Variants in MAEA observed in about 807,000 individuals in gnomAD.
MAEA encodes the protein macrophage erythroblast attacher, E3 ubiquitin ligase.
Under a neutral mutation model 46.2 loss-of-function variants are expected in MAEA, and 22 were observed. The ratio of observed to expected loss-of-function variants is 0.48; its 90% CI spans 0.34 to 0.68. The LOEUF (loss-of-function observed/expected upper bound fraction) is 0.68, where lower values mean the gene tolerates loss of function less well. MAEA is among the 30% of genes least tolerant of loss of function. The pLI, the probability that MAEA is intolerant of heterozygous loss-of-function variation, is 0.01. For missense variants in MAEA, 393 were observed against 558.1 expected (o/e 0.70, Z 2.98); for synonymous variants, 246 against 222.6 (o/e 1.11, Z -0.94).
At chr4:1,303,399 CAAA>C (rs575075038) in intron 1 of MAEA, among the ~76,000 whole-genome samples, 1 of 116,568 alleles carries the variant, frequency 8.6e-6, no homozygotes, top group Non-Finnish European at 1.6e-5. Flanking sequence ...GACTCTGTCT[CAAA>C]AAAAAAAAAG....
At chr4:1,301,567 C>T (rs1039562413) in intron 1 of MAEA, among the ~76,000 whole-genome samples, 6 of 152,168 alleles carry the variant, frequency 3.9e-5, no homozygotes, top group African/African-American at 9.7e-5. Context: ...CCAGGCACAG[C>T]GGCTCATGCC....
intron 6 of MAEA, among the ~76,000 whole-genome samples, chr4:1,333,382 T>G (rs1003402765): frequency 1.3e-5 from 2 of 151,682 alleles, no homozygotes; most frequent in African/African-American, 4.8e-5. Flanking sequence ...AGGAAGCCTT[T>G]CAGCCTGGAG....
At chr4:1,308,415 G>A (rs1736040078) in intron 1 of MAEA, among the ~76,000 whole-genome samples, 1 of 152,240 alleles carries the variant, frequency 6.6e-6, no homozygotes, top group Middle Eastern at 3.2e-3. Context: ...GAACACAGGT[G>A]TGCAGATACC....
intron 3 of MAEA, among the ~76,000 whole-genome samples, chr4:1,321,836 C>G (rs1196305667): frequency 6.6e-6 from 1 of 150,790 alleles, no homozygotes; most frequent in Non-Finnish European, 1.5e-5. Flanking sequence ...CTAGCGGAGA[C>G]TTGATGCTAA....
At chr4:1,321,057 G>C (rs192602740) in intron 3 of MAEA, among the ~76,000 whole-genome samples, 1 of 152,130 alleles carries the variant, frequency 6.6e-6, no homozygotes, top group African/African-American at 2.4e-5. Context: ...TGGAGATTGC[G>C]CCACTGCACT....
At chr4:1,315,692 C>T (rs1217671171) in intron 3 of MAEA, 92 bp downstream of exon 3, 1 of 1,273,100 alleles carries the variant, frequency 7.9e-7, no homozygotes, top group Non-Finnish European at 1.1e-6. Flanking sequence ...ATGCCTGTGT[C>T]CCTACATGCT....
chr4:1,315,603 G>A lies in MAEA; in HGVS notation c.456+3G>A, dbSNP rs781310089. The A allele has an allele frequency of 5.6e-6, 9 of 1,612,414 alleles. No individual in the cohort carries two copies. The Admixed American group carries it at 6.7e-5, about 12-fold the overall frequency. ...TGGCGCGCCAGAGCGGCATCGAGGT[G>A]GGTGCCCGCCAGACGCAGGCACAGC... On this transcript the variant is annotated splice_donor_region_variant and intron_variant, in intron 3 of 8. Transcript: ENST00000303400.
intron 8 of MAEA, 147 bp from the exon 9 acceptor site, chr4:1,338,927 G>A: frequency 1.4e-6 from 1 of 720,480 alleles, no homozygotes; most frequent in East Asian, 2.7e-5. Context: ...GTGGCCCCGG[G>A]ATTTCTTTGG....
chr4:1,309,210 C>A (rs1276731487), intron 1 of MAEA, among the ~76,000 whole-genome samples: 1 of 152,184 alleles, frequency 6.6e-6, no homozygotes, highest in Non-Finnish European at 1.5e-5. Context: ...AGCTTTCAGC[C>A]CTTGCGTATC....
chr4:1,311,024 C>T lies in MAEA; in HGVS notation c.70-955C>T, dbSNP rs1577166311. On this transcript the variant is annotated intron_variant, in intron 1 of 8. Coordinates refer to ENST00000303400, the MANE Select transcript of MAEA (RefSeq NM_001017405.3). The surrounding 1 kb of genome is among the most constrained non-coding windows in gnomAD (Gnocchi z 4.4). ...CACAGTGGCTGACACGAGGTCGAGG[C>T]GTGCCCAGGGCCGGGGGAGCAGGCG... Among the ~76,000 whole-genome samples the T allele has an allele frequency of 6.6e-6, 1 of 151,794 alleles. No homozygotes were observed. Among genetic ancestry groups the T allele is most frequent in the East Asian group, 1.9e-4 (1 of 5,136 alleles).
intron 1 of MAEA, among the ~76,000 whole-genome samples, chr4:1,291,779 T>G (rs373591362): frequency 6.6e-6 from 1 of 152,258 alleles, no homozygotes; most frequent in East Asian, 1.9e-4. Flanking sequence ...TCTGCTGTTT[T>G]GTAATCGTGA....
chr4:1,334,516 C>T (rs1389845889), intron 6 of MAEA, among the ~76,000 whole-genome samples: 1 of 152,222 alleles, frequency 6.6e-6, no homozygotes, highest in Non-Finnish European at 1.5e-5. Context: ...CTCGCTTGCT[C>T]TGGAGAGGAT....
chr4:1,311,489 C>T lies in MAEA; in HGVS notation c.70-490C>T, dbSNP rs1001718084. Among the ~76,000 whole-genome samples the T allele has an allele frequency of 2.0e-5, 3 of 152,176 alleles. No homozygotes were observed. The highest frequency in any genetic ancestry group is 4.4e-5 in the Non-Finnish European group (3 of 68,040). On this transcript the variant is annotated intron_variant, in intron 1 of 8. Transcript: ENST00000303400. This position sits in a 1 kb window ranked among gnomAD's most constrained non-coding sequence, Gnocchi z 4.4. Reference sequence around the variant, plus strand: ...GTGTGGGTCGTGCACTTGTGGCTTCCCGTGCGTGTGTGAGGCTTGCTGTGC... The same window carrying T: ...GTGTGGGTCGTGCACTTGTGGCTTCTCGTGCGTGTGTGAGGCTTGCTGTGC...
chr4:1,293,705 C>T (rs1460674290), intron 1 of MAEA, among the ~76,000 whole-genome samples: 1 of 152,216 alleles, frequency 6.6e-6, no homozygotes, highest in East Asian at 1.9e-4. Context: ...GTGATGCTGT[C>T]CTCTCCCCAG....
chr4:1,324,581 G>A (rs187951486), intron 4 of MAEA, among the ~76,000 whole-genome samples: 1 of 147,164 alleles, frequency 6.8e-6, no homozygotes, highest in Non-Finnish European at 1.5e-5. Context: ...GATGAGTTGA[G>A]GTTGGATGAG....
In MAEA at chr4:1,312,192, C is replaced by T. The variant is rs774296788; in HGVS notation, c.252+31C>T. The T allele has an allele frequency of 2.0e-5, 32 of 1,612,242 alleles. No homozygotes were observed. In the African/African-American group the frequency reaches 3.7e-4, roughly 19 times the overall value. The stretch of plus-strand genomic sequence containing the variant: ...TCCCGCCTGGCGGTCCCTCTTCAGT[C>T]TGGGGCATGGACACCCCTTTTGTCT... On this transcript the variant is annotated intron_variant, in intron 2 of 8. Coordinates refer to ENST00000303400, the MANE Select transcript of MAEA (RefSeq NM_001017405.3).
At chr4:1,298,246 T>TA in intron 1 of MAEA, 1 of 371,824 alleles carries the variant, frequency 2.7e-6, no homozygotes, top group South Asian at 1.9e-5. Context: ...TTACTGGAGA[T>TA]ATGTCATTTG....
rs1033562591 is a variant in MAEA at position 1,323,657 on chromosome 4, C to T, written c.579+1154C>T. 1.0e-5 allele frequency: 7 copies of T among 700,318 alleles called. No homozygotes were observed. In the African/African-American group the frequency reaches 1.2e-4, roughly 12 times the overall value. 43.4% of individuals were successfully genotyped at this position (700,318 alleles called of 1,614,324 possible). ...CACAGTGCCAGCCCCACACTCCCTCCCAGAGAGCCGGCACACACCTCACAG... is the reference window on the plus strand; with the variant it reads ...CACAGTGCCAGCCCCACACTCCCTCTCAGAGAGCCGGCACACACCTCACAG... On this transcript the variant is annotated intron_variant, in intron 4 of 8. Transcript: ENST00000303400.
In MAEA at chr4:1,311,792, G is replaced by C. The variant is rs1170161399; in HGVS notation, c.70-187G>C. 6.6e-6 allele frequency among the ~76,000 whole-genome samples: 1 copy of C among 152,198 alleles called. No individual in the cohort carries two copies. Among genetic ancestry groups the C allele is most frequent in the Non-Finnish European group, 1.5e-5 (1 of 68,032 alleles). ...TGCTTCTCATCCAGGGATGTGGAGT[G>C]GCTCTCCGTTCAGCAGGGCTTTTGT... is the stretch of plus-strand genomic sequence containing the variant. On this transcript the variant is annotated intron_variant, in intron 1 of 8. Coordinates refer to ENST00000303400, the MANE Select transcript of MAEA (RefSeq NM_001017405.3). The surrounding 1 kb of genome is among the most constrained non-coding windows in gnomAD (Gnocchi z 4.4).
Sources: allele counts gnomAD v4.1 joint callset (sites outside exome capture counted in the v4.1 genomes callset), GRCh38; gene constraint gnomAD v4.1.1; non-coding constraint Gnocchi (gnomAD v3.1); transcripts MANE v1.5; gene names NCBI Gene and HGNC (gene_info 2026-07-23, HGNC 2026-07-21).